Variants in POU2F2 observed in about 807,000 individuals in gnomAD.
POU2F2 encodes POU class 2 homeobox 2.
A neutral mutation model predicts 63.5 loss-of-function variants in POU2F2; 14 were observed. That is an observed-to-expected ratio of 0.22 (90% confidence interval 0.15 to 0.34). The LOEUF (loss-of-function observed/expected upper bound fraction) is 0.34. Ranked by LOEUF, POU2F2 falls within the 10% of genes least tolerant of loss-of-function variation. The pLI is 1.00. For missense variants in POU2F2, 607 were observed against 815.2 expected (o/e 0.74, Z 3.11); for synonymous variants, 306 against 348.6 (o/e 0.88, Z 1.36).
chr19:42,196,262 TTGTG>T (rs983831182), intron 1 of POU2F2: 2 of 152,144 alleles, frequency 1.3e-5, no homozygotes. Flanking sequence ...CATGATCTCC[TTGTG>T]TGTAACTGTC....
rs1250513563 is a variant in POU2F2 at position 42,086,940 on chromosome 19, A to G, written c.*4317T>C. ...CAAGGAGCTAACAATTCAAGGACAA[A>G]TACTTAAAAATATACATTATTTTTT... On this transcript the variant is annotated 3_prime_UTR_variant, in exon 15 of 15. Transcript: ENST00000692977. 1.3e-5 allele frequency: 2 copies of G among 152,112 alleles called. No homozygotes were observed. Among genetic ancestry groups the G allele is most frequent in the Non-Finnish European group, 2.9e-5 (2 of 68,034 alleles). The allele number at this position is 152,112 out of a possible 1,614,324, so 9.4% of individuals were successfully genotyped here.
In POU2F2 at chr19:42,100,178, G is replaced by A. The variant is rs180682053; in HGVS notation, c.370-357C>T. On this transcript the variant is annotated intron_variant, in intron 5 of 14. Transcript: ENST00000692977. ...GTGATCTCGGCTCACTGAAATCTCC[G>A]CCTCCTGGGTTCACGCCATTCTCCT... is the stretch of plus-strand genomic sequence containing the variant. Among the ~76,000 whole-genome samples the A allele has an allele frequency of 6.9e-4, 83 of 119,888 alleles. No homozygotes were observed. In the Middle Eastern group the frequency reaches 0.016, roughly 24 times the overall value. The allele number at this position is 119,888 out of a possible 152,430, so 78.7% of individuals were successfully genotyped here. A position where few individuals can be genotyped will look rare whatever the true frequency, so the allele number is the denominator to read the frequency against.
intron 2 of POU2F2, among the ~76,000 whole-genome samples, chr19:42,145,891 GCCA>G (rs1568412819): frequency 6.6e-6 from 1 of 151,810 alleles, no homozygotes; most frequent in East Asian, 1.9e-4. Flanking sequence ...CTGAGATTGC[GCCA>G]CTGCACTCCA....
At chr19:42,116,793 AC>A (rs755403965) in intron 5 of POU2F2, 232 of 354,670 alleles carry the variant, frequency 6.5e-4, no homozygotes, top group Middle Eastern at 1.8e-3. Flanking sequence ...GTGGCAGGTC[AC>A]CCCCCCCAGA....
At chr19:42,193,081 C>T (rs1238140026) in intron 1 of POU2F2, among the ~76,000 whole-genome samples, 1 of 151,198 alleles carries the variant, frequency 6.6e-6, no homozygotes, top group African/African-American at 2.4e-5. Flanking sequence ...AAAAAAATAG[C>T]CGGGCGTGGT....
chr19:42,109,331 C>T (rs953146816), intron 5 of POU2F2, among the ~76,000 whole-genome samples: 3 of 152,206 alleles, frequency 2.0e-5, no homozygotes, highest in East Asian at 1.9e-4. Flanking sequence ...ATGGTGTTGG[C>T]GCATGAGTTG....
intron 1 of POU2F2, among the ~76,000 whole-genome samples, chr19:42,171,342 G>A (rs1287567187): frequency 6.6e-6 from 1 of 152,028 alleles, no homozygotes; most frequent in Non-Finnish European, 1.5e-5. Context: ...GTGAATAAGG[G>A]GATAGGAAGT....
intron 5 of POU2F2, among the ~76,000 whole-genome samples, chr19:42,100,193 G>A (rs1463887410): frequency 1.5e-5 from 2 of 133,050 alleles, no homozygotes; most frequent in Non-Finnish European, 3.1e-5. Context: ...CTGGGTTCAC[G>A]CCATTCTCCT....
chr19:42,120,584 A>G (rs1600113197), intron 4 of POU2F2, among the ~76,000 whole-genome samples: 1 of 152,308 alleles, frequency 6.6e-6, no homozygotes, highest in Non-Finnish European at 1.5e-5. Flanking sequence ...TCTGAGGTTT[A>G]GACCCTTCGG....
At chr19:42,132,713 C>A (rs1353832566), upstream of POU2F2, 4 of 370,836 alleles carry the variant, frequency 1.1e-5, no homozygotes, top group Admixed American at 9.3e-5. Context: ...CTGTCGCCCC[C>A]ATGGAGGCAA....
rs1335573158 is a variant in POU2F2, at chr19:42,128,659, TGG to T, written c.28+3723_28+3724del. On this transcript the variant is annotated intron_variant, in intron 1 of 14. Transcript: ENST00000692977. The stretch of plus-strand genomic sequence containing the variant: ...TCCAGGGCACTAGCAATCATAGACT[TGG>T]AGGGTCCATCAAATGGCTCGGCCTC... Among the ~76,000 whole-genome samples, 16 of 152,152 alleles carry T rather than the reference TGG, an allele frequency of 1.1e-4. 1 individual carries two copies. Among genetic ancestry groups the T allele is most frequent in the Admixed American group, 1.0e-3 (16 of 15,278 alleles).
chr19:42,087,594 A>AT lies in POU2F2; in HGVS notation c.*3662dup, dbSNP rs1171600840. The AT allele has an allele frequency of 4.3e-3, 505 of 116,132 alleles. 4 individuals carry two copies. Among genetic ancestry groups the AT allele is most frequent in the South Asian group, 0.017 (61 of 3,516 alleles). 7.2% of individuals were successfully genotyped at this position (116,132 alleles called of 1,614,324 possible). On this transcript the variant is annotated 3_prime_UTR_variant, in exon 15 of 15. Coordinates refer to ENST00000692977, the MANE Select transcript of POU2F2 (RefSeq NM_001394376.1). ...AGAGGTGGTTTAGTTACTGGCATCA[A>AT]TTTTTTTTTTTTTTTTTTTGGCACA...
chr19:42,134,920 G>C (rs1232470356), upstream of POU2F2, among the ~76,000 whole-genome samples: 1 of 151,996 alleles, frequency 6.6e-6, no homozygotes, highest in Non-Finnish European at 1.5e-5. Context: ...GAGGTCCCCC[G>C]GGGGCCCGGC....
chr19:42,189,793 G>A (rs1441431442), intron 1 of POU2F2, among the ~76,000 whole-genome samples: 1 of 152,114 alleles, frequency 6.6e-6, no homozygotes, highest in Non-Finnish European at 1.5e-5. Flanking sequence ...GCAGTGGTGG[G>A]ATCATGGTAG....
Position 42,156,934 on chromosome 19 carries a change from A to G in POU2F2, c.-9+3398T>C, listed in dbSNP as rs548734643. The G allele has an allele frequency of 6.2e-4, 95 of 152,364 alleles. No homozygotes were observed. Among genetic ancestry groups the G allele is most frequent in the African/African-American group, 2.2e-3 (91 of 41,566 alleles). The allele number at this position is 152,364 out of a possible 1,614,324, so 9.4% of individuals were successfully genotyped here. On this transcript the variant is annotated intron_variant, in intron 2 of 6. Coordinates refer to the POU2F2 transcript ENST00000524801. This position sits in a 1 kb window ranked among gnomAD's most constrained non-coding sequence, Gnocchi z 4.1. ...TTCCGAGGCATTCAGGACTCCCCTC[A>G]GGGTGTGTGAGCACCCTGGGGCACA...
chr19:42,098,463 C>T lies in POU2F2; in HGVS notation c.567+1064G>A, dbSNP rs113160224. On this transcript the variant is annotated intron_variant, in intron 7 of 14. Transcript: ENST00000692977. ...AAGAAAGCCTACATAGGATGTATAT[C>T]ATAGATAATGTGGCCCGGCCCCCAC... 2.6e-3 allele frequency among the ~76,000 whole-genome samples: 393 copies of T among 150,694 alleles called. 6 individuals are homozygous for T. The highest frequency in any genetic ancestry group is 9.0e-3 in the African/African-American group (371 of 41,042).
At position 42,185,197 on chromosome 19, in the gene POU2F2, A is replaced by G. The variant is rs977757651; in HGVS notation, c.-70+11186T>C. Among the ~76,000 whole-genome samples, 6 of 152,156 alleles carry G rather than the reference A, an allele frequency of 3.9e-5. No individual in the cohort carries two copies. The East Asian group carries it at 1.2e-3, about 29-fold the overall frequency. On this transcript the variant is annotated intron_variant, in intron 1 of 5. Coordinates refer to the POU2F2 transcript ENST00000532176. ...CAAAATGGGAATTTCATAGAGTTCA[A>G]CCGAGTATTTCTCAAATCCATCTCC...
chr19:42,194,966 G>C lies in POU2F2; in HGVS notation c.-70+1417C>G, dbSNP rs1216079761. 1.9e-5 allele frequency among the ~76,000 whole-genome samples: 2 copies of C among 106,570 alleles called. 1 individual carries two copies. Among genetic ancestry groups the C allele is most frequent in the East Asian group, 5.7e-4 (2 of 3,502 alleles). The allele number at this position is 106,570 out of a possible 152,430, so 69.9% of individuals were successfully genotyped here. A position where few individuals can be genotyped will look rare whatever the true frequency, so the allele number is the denominator to read the frequency against. On this transcript the variant is annotated intron_variant, in intron 1 of 5. Transcript: ENST00000532176. The stretch of plus-strand genomic sequence containing the variant: ...GGAAGGAAGGGAAGGAAATGAAGGA[G>C]GGGGGAGGGAGGGAGAAAGAGAGGG...
intron 1 of POU2F2, among the ~76,000 whole-genome samples, chr19:42,125,819 GCA>G (rs1220266639): frequency 6.6e-6 from 1 of 152,226 alleles, no homozygotes; most frequent in Non-Finnish European, 1.5e-5. Flanking sequence ...TGCAGCTCAT[GCA>G]CAGTGCTCTT....
Sources: gnomAD v4.1 joint callset for allele counts (sites outside exome capture counted in the v4.1 genomes callset) on GRCh38, gnomAD v4.1.1 for gene constraint, Gnocchi (gnomAD v3.1) non-coding constraint, MANE v1.5 for transcripts, NCBI Gene and HGNC (gene_info 2026-07-23, HGNC 2026-07-21) for gene names.